Variants in GPC5 observed in about 807,000 individuals in gnomAD.
The protein encoded by GPC5 is glypican 5, also known as glypican-5.
Under a neutral mutation model 53.9 loss-of-function variants are expected in GPC5, and 47 were observed. The ratio of observed to expected loss-of-function variants is 0.87; its 90% CI spans 0.69 to 1.11. GPC5 has a LOEUF of 1.11. Among genes scored for constraint, GPC5 ranks in the 50% most tolerant of loss-of-function variants. The pLI, the probability that GPC5 is intolerant of heterozygous loss-of-function variation, is 0.00. For synonymous variants in GPC5, 286 were observed against 263.3 expected (o/e 1.09, Z -0.84); for missense variants, 748 against 713.1 (o/e 1.05, Z -0.56).
intron 4 of GPC5, among the ~76,000 whole-genome samples, chr13:91,755,897 C>T (rs550655858): frequency 3.9e-5 from 6 of 152,030 alleles, no homozygotes; most frequent in East Asian, 3.9e-4. Flanking sequence ...TTAGTACTCT[C>T]GTGGTGGCTT....
intron 3 of GPC5, among the ~76,000 whole-genome samples, chr13:91,706,405 G>A (rs149114590): frequency 3.3e-5 from 5 of 152,006 alleles, no homozygotes; most frequent in Non-Finnish European, 2.9e-5. Context: ...TAATATTGCC[G>A]TGCTTCTTCT....
intron 7 of GPC5, among the ~76,000 whole-genome samples, chr13:92,638,039 G>A (rs1383158387): frequency 1.3e-5 from 2 of 152,026 alleles, no homozygotes; most frequent in African/African-American, 4.8e-5. Context: ...TTTAACAATA[G>A]AAAGCAACTG....
intron 7 of GPC5, among the ~76,000 whole-genome samples, chr13:92,329,783 C>T (rs375988335): frequency 7.9e-5 from 12 of 152,150 alleles, no homozygotes; most frequent in African/African-American, 2.9e-4. Context: ...TAACACTGGC[C>T]AAGAAAACAT....
Position 92,341,037 on chromosome 13 carries a change from G to T in GPC5, c.1561+196048G>T, listed in dbSNP as rs534028484. ...CCATCTTCATTTTTTTTAAAATTTG[G>T]TAATAGACATATTTTAAGCAATCTT... On this transcript the variant is annotated intron_variant, in intron 7 of 7. Coordinates refer to ENST00000377067, the MANE Select transcript of GPC5 (RefSeq NM_004466.6). Among the ~76,000 whole-genome samples, 6 of 151,996 alleles carry T rather than the reference G, an allele frequency of 3.9e-5. No homozygotes were observed. In the South Asian group the frequency reaches 1.2e-3, roughly 32 times the overall value.
At chr13:91,907,544 A>G (rs1169435691) in intron 5 of GPC5, among the ~76,000 whole-genome samples, 1 of 140,802 alleles carries the variant, frequency 7.1e-6, no homozygotes, top group African/African-American at 2.7e-5. Flanking sequence ...GTAGTAGCCT[A>G]ATACTTAAAA....
intron 3 of GPC5, among the ~76,000 whole-genome samples, chr13:91,695,865 G>C (rs1008324747): frequency 6.6e-6 from 1 of 152,108 alleles, no homozygotes; most frequent in Non-Finnish European, 1.5e-5. Context: ...AACCTGAAGG[G>C]CCTTTTTGTG....
chr13:92,358,733 T>G (rs1156561151), intron 7 of GPC5, among the ~76,000 whole-genome samples: 5 of 151,718 alleles, frequency 3.3e-5, no homozygotes, highest in African/African-American at 1.2e-4. Context: ...ATATCTGAAG[T>G]CTTTTTAGCT....
At chr13:91,408,066 T>C (rs1469670425) in intron 1 of GPC5, among the ~76,000 whole-genome samples, 1 of 152,202 alleles carries the variant, frequency 6.6e-6, no homozygotes. Context: ...GGTGAGGACA[T>C]TTAACATTCA....
intron 6 of GPC5, among the ~76,000 whole-genome samples, chr13:92,121,556 T>C (rs970542698): frequency 2.6e-5 from 4 of 152,198 alleles, no homozygotes; most frequent in Non-Finnish European, 5.9e-5. Flanking sequence ...CTGACCCCCA[T>C]AGCTGTTCCC....
intron 2 of GPC5, among the ~76,000 whole-genome samples, chr13:91,588,185 C>A (rs190769461): frequency 8.5e-5 from 13 of 152,144 alleles, no homozygotes; most frequent in Non-Finnish European, 1.9e-4. Context: ...TTTTCAGAGA[C>A]TGGCTAATGC....
chr13:91,779,877 T>C (rs192714109), intron 5 of GPC5, among the ~76,000 whole-genome samples: 1 of 152,166 alleles, frequency 6.6e-6, no homozygotes, highest in Admixed American at 6.5e-5. Flanking sequence ...CCTGAGGTGG[T>C]TTTATAGTTA....
intron 6 of GPC5, among the ~76,000 whole-genome samples, chr13:91,962,810 T>C (rs1325124686): frequency 6.6e-6 from 1 of 152,208 alleles, no homozygotes; most frequent in Admixed American, 6.5e-5. Context: ...GTAACAAAAT[T>C]ATTATATATG....
intron 7 of GPC5, among the ~76,000 whole-genome samples, chr13:92,747,746 G>T (rs1889274059): frequency 6.6e-6 from 1 of 152,132 alleles, no homozygotes. Context: ...TGATTAAATT[G>T]ATGCTTCTGA....
intron 7 of GPC5, among the ~76,000 whole-genome samples, chr13:92,223,515 AT>A (rs1378884387): frequency 6.6e-6 from 1 of 152,066 alleles, no homozygotes; most frequent in African/African-American, 2.4e-5. Flanking sequence ...TTTACTCACC[AT>A]TTGTTTGCAA....
At chr13:92,864,397 T>C (rs187949385) in intron 7 of GPC5, among the ~76,000 whole-genome samples, 4 of 152,264 alleles carry the variant, frequency 2.6e-5, no homozygotes, top group Admixed American at 2.0e-4. Context: ...TCACCCATGA[T>C]GGCATCCACT....
At chr13:92,347,857 A>ATATAT (rs1566549599) in intron 7 of GPC5, among the ~76,000 whole-genome samples, 217 of 16,246 alleles carry the variant, frequency 0.013, 30 homozygotes, top group African/African-American at 0.12. Flanking sequence ...TTTTATACAT[A>ATATAT]TATATATTAT....
intron 6 of GPC5, among the ~76,000 whole-genome samples, chr13:92,072,149 G>T (rs1297584958): frequency 6.9e-6 from 1 of 144,982 alleles, no homozygotes; most frequent in Admixed American, 6.9e-5. Flanking sequence ...ATTAATGAAT[G>T]AATAAAATGT....
chr13:91,805,363 G>A (rs1831563), intron 5 of GPC5, among the ~76,000 whole-genome samples: 78,338 of 151,958 alleles, frequency 0.52, 20,810 homozygotes, highest in East Asian at 0.73. Context: ...TTTTATGCAT[G>A]TACTTACAAG....
At chr13:92,730,620 G>C (rs923916446) in intron 7 of GPC5, among the ~76,000 whole-genome samples, 2 of 150,304 alleles carry the variant, frequency 1.3e-5, no homozygotes, top group African/African-American at 4.9e-5. Flanking sequence ...TTTTGCAAGC[G>C]GATGTCCAAT....
Sources: allele counts gnomAD v4.1 joint callset (sites outside exome capture counted in the v4.1 genomes callset), GRCh38; gene constraint gnomAD v4.1.1; transcripts MANE v1.5; gene names NCBI Gene and HGNC (gene_info 2026-07-23, HGNC 2026-07-21).